The following DIP2C variants were observed in gnomAD, a reference collection of about 807,000 sequenced individuals.
DIP2C encodes the protein DIP2 acetate--CoA ligase C (putative), also known as disco-interacting protein 2 homolog C.
DIP2C carries 33 observed loss-of-function variants against 192.4 expected under a neutral mutation model. The observed-to-expected ratio is 0.17, with a 90% CI of 0.13 to 0.23. DIP2C has a LOEUF of 0.23. DIP2C is among the 10% of genes least tolerant of loss of function. The pLI, the probability that DIP2C is intolerant of heterozygous loss-of-function variation, is 1.00. For missense variants in DIP2C, 1,537 were observed against 2,110.1 expected, an observed-to-expected ratio of 0.73 and a Z score of 5.32; for synonymous variants, 979 against 864.1, an observed-to-expected ratio of 1.13 and a Z score of -2.33.
intron 1 of DIP2C, among the ~76,000 whole-genome samples, chr10:643,847 G>C (rs973585162): frequency 6.6e-6 from 1 of 152,224 alleles, no homozygotes; most frequent in Non-Finnish European, 1.5e-5. Flanking sequence ...TCCACCTGAG[G>C]GTGGAGTGAA....
intron 1 of DIP2C, among the ~76,000 whole-genome samples, chr10:653,561 A>G (rs1318325807): frequency 1.3e-5 from 2 of 152,260 alleles, no homozygotes; most frequent in East Asian, 1.9e-4. Flanking sequence ...AATGCTTTAC[A>G]TGAGCTACGC....
intron 29 of DIP2C, among the ~76,000 whole-genome samples, chr10:340,040 G>T (rs1202289376): frequency 6.6e-6 from 1 of 152,048 alleles, no homozygotes. Flanking sequence ...AATTAGCAGG[G>T]CGTGGTGGCA....
intron 1 of DIP2C, among the ~76,000 whole-genome samples, chr10:638,694 A>G (rs1362741631): frequency 6.6e-6 from 1 of 152,184 alleles, no homozygotes; most frequent in East Asian, 1.9e-4. Context: ...TTTGGTGACA[A>G]ACTTAATGCA....
intron 14 of DIP2C, among the ~76,000 whole-genome samples, chr10:385,728 T>TCAGA (rs1328017995): frequency 3.3e-5 from 5 of 152,102 alleles, no homozygotes; most frequent in African/African-American, 1.2e-4. Context: ...ACCGCAGCAG[T>TCAGA]CAGACCAGGC....
At chr10:424,354 G>GTTTTTTTTTTTTTTT (rs1564695965) in intron 4 of DIP2C, among the ~76,000 whole-genome samples, 5 of 121,030 alleles carry the variant, frequency 4.1e-5, no homozygotes, top group Admixed American at 9.8e-5. Context: ...TATCACCTTG[G>GTTTTTTTTTTTTTTT]GTTTTTTTTT....
chr10:479,619 C>A (rs1324850650), intron 2 of DIP2C, among the ~76,000 whole-genome samples: 1 of 152,154 alleles, frequency 6.6e-6, no homozygotes, highest in Non-Finnish European at 1.5e-5. Context: ...TAGGCATGAG[C>A]CAATGCGCCC....
chr10:638,724 T>C (rs1378084580), intron 1 of DIP2C, among the ~76,000 whole-genome samples: 4 of 152,194 alleles, frequency 2.6e-5, no homozygotes, highest in Non-Finnish European at 4.4e-5. Context: ...CTGTTTCAGG[T>C]TTGCCAGCAT....
At chr10:598,350 G>C (rs542817409) in intron 1 of DIP2C, among the ~76,000 whole-genome samples, 4 of 152,218 alleles carry the variant, frequency 2.6e-5, no homozygotes, top group Non-Finnish European at 2.9e-5. Flanking sequence ...AGAGACCCCT[G>C]CATTGAGCAC....
In DIP2C at chr10:517,068, G is replaced by A. The variant is rs533842167; in HGVS notation, c.86-30538C>T. Reference sequence around the variant, plus strand: ...AGAGCACAGAGGTTCAGGTCTAGTGGCACAGTCAAACGTTGACAGACTCCA... The same window carrying A: ...AGAGCACAGAGGTTCAGGTCTAGTGACACAGTCAAACGTTGACAGACTCCA... On this transcript the variant is annotated intron_variant, in intron 1 of 36. Transcript: ENST00000280886. 9.2e-5 allele frequency among the ~76,000 whole-genome samples: 14 copies of A among 151,894 alleles called. No individual in the cohort carries two copies. In the South Asian group the frequency reaches 2.9e-3, roughly 32 times the overall value.
At chr10:593,485 A>ACCCCCCCCC (rs10563749) in intron 1 of DIP2C, among the ~76,000 whole-genome samples, 31 of 64,206 alleles carry the variant, frequency 4.8e-4, no homozygotes, top group South Asian at 1.5e-3. Context: ...CCCACGCGGG[A>ACCCCCCCCC]CCCCCCCCCC....
chr10:467,991 C>A (rs1022742674), intron 3 of DIP2C, among the ~76,000 whole-genome samples: 3 of 152,118 alleles, frequency 2.0e-5, no homozygotes, highest in African/African-American at 7.2e-5. Flanking sequence ...GTCCCTGGGG[C>A]AACCACAGTA....
At chr10:603,755 A>C (rs1357771458) in intron 1 of DIP2C, among the ~76,000 whole-genome samples, 2 of 152,214 alleles carry the variant, frequency 1.3e-5, no homozygotes. Context: ...GCAACAAATT[A>C]CCACACACGC....
At chr10:500,223 G>A (rs1414492074) in intron 1 of DIP2C, among the ~76,000 whole-genome samples, 2 of 152,246 alleles carry the variant, frequency 1.3e-5, no homozygotes, top group Admixed American at 6.5e-5. Flanking sequence ...TGGGGCAAAG[G>A]TGGGTTCAGA....
At chr10:419,346 C>A in intron 5 of DIP2C, 147 bp from the exon 6 acceptor site, 2 of 1,109,826 alleles carry the variant, frequency 1.8e-6, no homozygotes, top group Admixed American at 4.2e-5. Context: ...GCCGCATCTG[C>A]CACACACATC....
chr10:367,541 C>T (rs568656536), intron 18 of DIP2C, among the ~76,000 whole-genome samples: 2 of 152,256 alleles, frequency 1.3e-5, no homozygotes, highest in Admixed American at 6.5e-5. Context: ...TGCTGCTTAC[C>T]GCTCGGCAGG....
intron 1 of DIP2C, among the ~76,000 whole-genome samples, chr10:608,714 T>C (rs189842612): frequency 2.4e-4 from 6 of 24,704 alleles, no homozygotes; most frequent in African/African-American, 5.3e-4. Flanking sequence ...CACACACACA[T>C]CCCCCCACAC....
chr10:524,884 G>A (rs752050071), intron 1 of DIP2C, among the ~76,000 whole-genome samples: 1 of 147,234 alleles, frequency 6.8e-6, no homozygotes, highest in Non-Finnish European at 1.5e-5. Flanking sequence ...CTATACTCAA[G>A]AACAGGAAGA....
intron 1 of DIP2C, among the ~76,000 whole-genome samples, chr10:617,660 C>G (rs1307714349): frequency 6.6e-6 from 1 of 150,634 alleles, no homozygotes; most frequent in Non-Finnish European, 1.5e-5. Context: ...ATACCACCCC[C>G]CCACCCCCAC....
At chr10:661,992 C>G in intron 1 of DIP2C, 1 of 710,846 alleles carries the variant, frequency 1.4e-6, no homozygotes, top group Non-Finnish European at 2.6e-6. Flanking sequence ...TGGCTGCCTT[C>G]TCTCCTCCTC....
Sources: gnomAD v4.1 joint callset for allele counts (sites outside exome capture counted in the v4.1 genomes callset) on GRCh38, gnomAD v4.1.1 for gene constraint, MANE v1.5 for transcripts, NCBI Gene and HGNC (gene_info 2026-07-23, HGNC 2026-07-21) for gene names.